CFTR: variants seen among roughly 807,000 people sequenced by gnomAD.
CFTR encodes the protein CF transmembrane conductance regulator.
A neutral mutation model predicts 171.6 loss-of-function variants in CFTR; 181 were observed. The observed-to-expected ratio is 1.05, with a 90% confidence interval of 0.93 to 1.19. CFTR has a LOEUF of 1.19. Ranked by LOEUF, CFTR falls within the 50% of genes most tolerant of loss-of-function variation. CFTR has a pLI of 0.00. For synonymous variants in CFTR, 583 were observed against 608.0 expected (o/e 0.96, Z 0.60); for missense variants, 1,968 against 1,734.7 (o/e 1.13, Z -2.39).
At chr7:117,620,011 T>C (rs1012656960) in intron 21 of CFTR, among the ~76,000 whole-genome samples, 11 of 152,208 alleles carry the variant, frequency 7.2e-5, no homozygotes, top group African/African-American at 2.7e-4. Flanking sequence ...TCCTAATGCC[T>C]AATTTTCTTG....
chr7:117,555,486 C>T (rs1012259047), intron 10 of CFTR, among the ~76,000 whole-genome samples: 1 of 152,196 alleles, frequency 6.6e-6, no homozygotes, highest in Non-Finnish European at 1.5e-5. Context: ...GAGCAGTTCT[C>T]TCTCCAGTAA....
intron 11 of CFTR, among the ~76,000 whole-genome samples, chr7:117,576,191 G>A (rs369042164): frequency 2.0e-5 from 3 of 151,956 alleles, no homozygotes; most frequent in Non-Finnish European, 2.9e-5. Context: ...TCTAGGTTCC[G>A]ATCTATGCAT....
Position 117,592,618 on chromosome 7 carries a change from C to A in CFTR, c.2451C>A (p.Gly817=). ...CAAGAAGGTTATCTCAAGAAACTGGCTTGGAAATAAGTGAAGAAATTAACG... is the reference window on the plus strand; with the variant it reads ...CAAGAAGGTTATCTCAAGAAACTGGATTGGAAATAAGTGAAGAAATTAACG... The part of the protein sequence containing the change: ...IYSRRLSQET[G]LEISEEINEE... Residue 817 remains glycine, a synonymous_variant, in exon 14 of 27, where the codon GGC becomes GGA. Transcript: ENST00000003084. The A allele has an allele frequency of 6.5e-7, 1 of 1,533,312 alleles. No individual in the cohort carries two copies. The highest frequency in any genetic ancestry group is 1.4e-5 in the South Asian group (1 of 73,650). 95.0% of individuals were successfully genotyped at this position (1,533,312 alleles called of 1,614,324 possible).
Position 117,480,166 on chromosome 7 carries a change from G to A in CFTR, c.53+19G>A. ...TTTTCAGGTGAGAAGGTGGCCAACC[G>A]AGCTTCGGAAAGACACGTGCCCACG... On this transcript the variant is annotated intron_variant, in intron 1 of 26. Transcript: ENST00000003084. The A allele has an allele frequency of 6.2e-7, 1 of 1,613,694 alleles. No homozygotes were observed. Among genetic ancestry groups the A allele is most frequent in the Non-Finnish European group, 8.5e-7 (1 of 1,179,674 alleles).
intron 11 of CFTR, among the ~76,000 whole-genome samples, chr7:117,577,215 T>C (rs1791785510): frequency 6.6e-6 from 1 of 152,132 alleles, no homozygotes; most frequent in Admixed American, 6.6e-5. Context: ...AACTTCAATG[T>C]GGCTGAAGGG....
At chr7:117,552,063 AAT>A (rs893004610) in intron 10 of CFTR, among the ~76,000 whole-genome samples, 11 of 151,814 alleles carry the variant, frequency 7.2e-5, no homozygotes, top group African/African-American at 2.4e-4. Flanking sequence ...AACATCATTG[AAT>A]ATATATATAT....
At position 117,664,779 on chromosome 7, in the gene CFTR, A is replaced by C; in HGVS notation, c.4055A>C (p.Gln1352Pro). ...GGCVLSHGHK[Q>P]LMCLARSVLS... ...TGTGTCCTAAGCCATGGCCACAAGC[A>C]GTTGATGTGCTTGGCTAGATCTGTT... is the stretch of plus-strand genomic sequence containing the variant. The change falls in exon 25 of 27, where the codon CAG becomes CCG. Residue 1352 changes from glutamine to proline, a missense_variant. By Grantham distance (76) the Gln-to-Pro change is moderately conservative (BLOSUM62 -1). Coordinates refer to ENST00000003084, the MANE Select transcript of CFTR (RefSeq NM_000492.4). 1 of 1,614,066 alleles carries C rather than the reference A, an allele frequency of 6.2e-7. No individual in the cohort carries two copies. The highest frequency in any genetic ancestry group is 1.1e-5 in the South Asian group (1 of 91,080).
chr7:117,654,629 A>G (rs1336286309), intron 24 of CFTR, among the ~76,000 whole-genome samples: 1 of 151,800 alleles, frequency 6.6e-6, no homozygotes, highest in African/African-American at 2.4e-5. Context: ...CTGCTCTTGC[A>G]CCCTCTTTCT....
chr7:117,660,403 G>A (rs1055760381), intron 24 of CFTR, among the ~76,000 whole-genome samples: 4 of 152,054 alleles, frequency 2.6e-5, no homozygotes, highest in East Asian at 1.9e-4. Flanking sequence ...AGGCCGAGGC[G>A]GTTGGATCAC....
chr7:117,544,238 C>G (rs1799102945), intron 9 of CFTR, among the ~76,000 whole-genome samples: 1 of 152,028 alleles, frequency 6.6e-6, no homozygotes, highest in Non-Finnish European at 1.5e-5. Context: ...ATCTGGGTAA[C>G]AGTAGTGCTA....
chr7:117,567,250 A>T (rs1440288825), intron 11 of CFTR, among the ~76,000 whole-genome samples: 2 of 152,220 alleles, frequency 1.3e-5, no homozygotes, highest in African/African-American at 4.8e-5. Context: ...GGTCAAGAGA[A>T]ATCTTACACT....
chr7:117,631,045 C>G (rs1792736427), intron 22 of CFTR, among the ~76,000 whole-genome samples: 1 of 151,906 alleles, frequency 6.6e-6, no homozygotes. Flanking sequence ...ACTATGTTGC[C>G]CAGGCTGGTC....
chr7:117,488,695 A>T (rs1798111254), intron 1 of CFTR, among the ~76,000 whole-genome samples: 1 of 152,120 alleles, frequency 6.6e-6, no homozygotes, highest in Admixed American at 6.6e-5. Flanking sequence ...TAGCAGTGAC[A>T]ATAAAAGATA....
intron 23 of CFTR, among the ~76,000 whole-genome samples, chr7:117,646,443 AGGATGCCAGACAGG>A (rs1231435356): frequency 6.6e-6 from 1 of 152,180 alleles, no homozygotes; most frequent in Admixed American, 6.5e-5. Flanking sequence ...AGGGTATTCC[AGGATGCCAGACAGG>A]GAGATTATGG....
chr7:117,625,339 G>T (rs1792635774), intron 21 of CFTR, among the ~76,000 whole-genome samples: 2 of 152,170 alleles, frequency 1.3e-5, no homozygotes, highest in Non-Finnish European at 2.9e-5. Flanking sequence ...GACATTAGAA[G>T]TTCTGGATTC....
chr7:117,497,796 T>C (rs1338941398), intron 1 of CFTR, among the ~76,000 whole-genome samples: 1 of 152,066 alleles, frequency 6.6e-6, no homozygotes, highest in Non-Finnish European at 1.5e-5. Context: ...TTAGAACATA[T>C]TTGGCCAGAA....
At chr7:117,557,799 G>A (rs1799384295) in intron 10 of CFTR, among the ~76,000 whole-genome samples, 1 of 151,976 alleles carries the variant, frequency 6.6e-6, no homozygotes, top group African/African-American at 2.4e-5. Context: ...AATTTCACCT[G>A]AAGTCTTTTC....
intron 10 of CFTR, among the ~76,000 whole-genome samples, chr7:117,558,664 A>G (rs1799403237): frequency 6.6e-6 from 1 of 151,572 alleles, no homozygotes; most frequent in Non-Finnish European, 1.5e-5. Flanking sequence ...CTTTTTTCAG[A>G]TTTATCTTTG....
intron 11 of CFTR, among the ~76,000 whole-genome samples, chr7:117,581,119 GT>G (rs1306848021): frequency 6.6e-6 from 1 of 152,106 alleles, no homozygotes; most frequent in Non-Finnish European, 1.5e-5. Flanking sequence ...CTCTAGTGTG[GT>G]CGTGCTTGGA....
Sources: gnomAD v4.1 joint callset for allele counts (sites outside exome capture counted in the v4.1 genomes callset) on GRCh38, gnomAD v4.1.1 for gene constraint, MANE v1.5 for transcripts, NCBI Gene and HGNC (gene_info 2026-07-23, HGNC 2026-07-21) for gene names.